NELFA: variants seen among roughly 807,000 people sequenced by gnomAD.
NELFA encodes negative elongation factor A.
In NELFA, 35 loss-of-function variants were observed where a neutral mutation model predicts 51.8. That is an observed-to-expected ratio of 0.68 (90% CI 0.52 to 0.90). The LOEUF (loss-of-function observed/expected upper bound fraction) is 0.90, where lower values mean the gene tolerates loss of function less well. Among genes scored for constraint, NELFA ranks in the 40% least tolerant of loss-of-function variants. The pLI is 0.00. For missense variants in NELFA, 658 were observed against 746.4 expected, an observed-to-expected ratio of 0.88 and a Z score of 1.38; for synonymous variants, 417 against 338.4, an observed-to-expected ratio of 1.23 and a Z score of -2.55.
At position 2,008,884 on chromosome 4, in the gene NELFA, G is replaced by A. The variant is rs750509383; in HGVS notation, c.76C>T (p.Pro26Ser). Residue 26 changes from proline (P) to serine (S), a missense_variant, in exon 1 of 11, where the codon CCG becomes TCG. By Grantham distance (74) the Pro-to-Ser change is moderately conservative (BLOSUM62 -1). Coordinates refer to ENST00000382882, the MANE Select transcript of NELFA (RefSeq NM_005663.5). ...KLGATDELWA[P>S]PSIASLLTAA... ...GTGAGCAGGGACGCGATGCTGGGCG[G>A]CGCCCACAGCTCGTCCGTGGCCCCC... 6.3e-7 allele frequency: 1 copy of A among 1,593,292 alleles called. No individual in the cohort carries two copies. The highest frequency in any genetic ancestry group is 1.1e-5 in the South Asian group (1 of 87,842).
chr4:1,988,096 G>C, intron 3 of NELFA, 89 bp from the exon 4 acceptor site: 1 of 1,152,792 alleles, frequency 8.7e-7, no homozygotes, highest in Non-Finnish European at 1.2e-6. Context: ...GGATTCATCC[G>C]ACGGCCTGAG....
At position 1,989,605 on chromosome 4, in the gene NELFA, C is replaced by A; in HGVS notation, c.544+103G>T. On this transcript the variant is annotated intron_variant, in intron 3 of 10. Coordinates refer to ENST00000382882, the MANE Select transcript of NELFA (RefSeq NM_005663.5). The surrounding 1 kb of genome is among the most constrained non-coding windows in gnomAD (Gnocchi z 4.8). ...ACAGGTGTGAGCCACCATGCCTGGC[C>A]CAGAACGCCACCTTGAAGGGGCAGT... is the stretch of plus-strand genomic sequence containing the variant. 7.5e-7 allele frequency: 1 copy of A among 1,331,144 alleles called. No individual in the cohort carries two copies. The highest frequency in any genetic ancestry group is 1.0e-6 in the Non-Finnish European group (1 of 975,702). 82.5% of individuals were successfully genotyped at this position (1,331,144 alleles called of 1,614,324 possible).
At chr4:2,005,060 G>A (rs1355975084) in intron 1 of NELFA, among the ~76,000 whole-genome samples, 1 of 151,494 alleles carries the variant, frequency 6.6e-6, no homozygotes, top group Non-Finnish European at 1.5e-5. Flanking sequence ...CGCCCGCCTC[G>A]GCCTCCCAAA....
intron 1 of NELFA, among the ~76,000 whole-genome samples, chr4:2,002,391 C>T (rs1728605730): frequency 6.6e-6 from 1 of 152,136 alleles, no homozygotes; most frequent in South Asian, 2.1e-4. Context: ...TTTTAAATTT[C>T]ATATGGAATC....
chr4:1,987,871 G>T, intron 4 of NELFA, 47 bp downstream of exon 4: 1 of 1,510,348 alleles, frequency 6.6e-7, no homozygotes, highest in Non-Finnish European at 9.0e-7. Context: ...GAAGCCCTTA[G>T]CTCTGCCCCA....
At chr4:1,984,553 A>G (rs1177597775) in intron 8 of NELFA, among the ~76,000 whole-genome samples, 2 of 152,170 alleles carry the variant, frequency 1.3e-5, no homozygotes, top group African/African-American at 4.8e-5. Flanking sequence ...TTCGAACCCA[A>G]TCCCCTTCCT....
At chr4:2,002,801 A>G (rs1426789819) in intron 1 of NELFA, among the ~76,000 whole-genome samples, 1 of 152,234 alleles carries the variant, frequency 6.6e-6, no homozygotes, top group Non-Finnish European at 1.5e-5. Flanking sequence ...CCTAGGCAAT[A>G]CCATTCAGGA....
intron 1 of NELFA, among the ~76,000 whole-genome samples, chr4:1,997,297 T>G (rs1012434293): frequency 6.6e-6 from 1 of 152,170 alleles, no homozygotes; most frequent in Non-Finnish European, 1.5e-5. Context: ...ACAAATCCTT[T>G]TTTAAGGGTA....
chr4:1,997,389 T>C (rs534976029), intron 1 of NELFA, among the ~76,000 whole-genome samples: 47 of 152,304 alleles, frequency 3.1e-4, no homozygotes, highest in African/African-American at 1.1e-3. Context: ...AACAAAGATA[T>C]AGTACAAAAT....
intron 1 of NELFA, among the ~76,000 whole-genome samples, chr4:2,005,033 C>T (rs1291465243): frequency 2.0e-5 from 3 of 151,428 alleles, no homozygotes; most frequent in African/African-American, 7.3e-5. Context: ...TGGTCTCGAT[C>T]TCCTGGCCTC....
At chr4:1,992,827 T>C (rs1259246272) in intron 1 of NELFA, among the ~76,000 whole-genome samples, 1 of 152,188 alleles carries the variant, frequency 6.6e-6, no homozygotes, top group Non-Finnish European at 1.5e-5. Flanking sequence ...GCCTGCCTGC[T>C]GCCAAGCCCC....
chr4:2,000,776 A>G (rs1728549936), intron 1 of NELFA, among the ~76,000 whole-genome samples: 1 of 152,072 alleles, frequency 6.6e-6, no homozygotes, highest in African/African-American at 2.4e-5. Context: ...AAAAGGAGGG[A>G]CTCCTCCCTA....
At chr4:1,992,562 G>A (rs747328919) in intron 1 of NELFA, 6 of 336,150 alleles carry the variant, frequency 1.8e-5, no homozygotes, top group South Asian at 1.0e-4. Context: ...GGCGCTGGGG[G>A]TGAACAACAG....
chr4:1,994,943 G>A (rs513895), intron 1 of NELFA, among the ~76,000 whole-genome samples: 37,156 of 152,180 alleles, frequency 0.24, 4,693 homozygotes, highest in East Asian at 0.31. Context: ...TGTAGCAGAT[G>A]CCATGCATAA....
rs1480789278 is a variant in NELFA, at chr4:1,984,030, C to A, written c.1120G>T (p.Ala374Ser). 1.2e-6 allele frequency: 2 copies of A among 1,607,152 alleles called. No homozygotes were observed. Among genetic ancestry groups the A allele is most frequent in the African/African-American group, 2.7e-5 (2 of 74,882 alleles). Residue 374 changes from alanine (A) to serine (S), a missense_variant, in exon 9 of 11, where the codon GCG (alanine) becomes TCG (serine). This residue lies in a region of NELFA where 200 missense variants were observed against 167.9 expected (regional missense o/e 1.19). Transcript: ENST00000382882. ...CTCAGGCCGCTGTTGTACATGGGCG[C>A]CCGCTGCTTGAACTGCGCTGGCAAC... ...PTLPAQFKQR[A>S]PMYNSGLSPA...
intron 9 of NELFA, 47 bp downstream of exon 9, chr4:1,983,801 C>T (rs376278865): frequency 7.2e-5 from 113 of 1,579,468 alleles, no homozygotes; most frequent in Admixed American, 4.2e-4. Context: ...TGGCCAGGGC[C>T]GTACCACCTA....
At chr4:1,991,464 T>C in intron 2 of NELFA, 80 bp downstream of exon 2, 1 of 1,477,828 alleles carries the variant, frequency 6.8e-7, no homozygotes, top group Non-Finnish European at 9.4e-7. Flanking sequence ...GGTCTAAAAA[T>C]CAAATTCATT....
At chr4:2,000,230 G>A (rs1577627275) in intron 1 of NELFA, among the ~76,000 whole-genome samples, 2 of 152,028 alleles carry the variant, frequency 1.3e-5, no homozygotes, top group South Asian at 4.2e-4. Flanking sequence ...AAGACCCAGA[G>A]AGGCAAGAGA....
At chr4:1,985,565 G>T (rs1728059990) in intron 7 of NELFA, among the ~76,000 whole-genome samples, 2 of 152,348 alleles carry the variant, frequency 1.3e-5, no homozygotes, top group Middle Eastern at 6.8e-3. Flanking sequence ...GCGTGGGGCA[G>T]GTTCCCGCTC....
Sources: allele counts gnomAD v4.1 joint callset (sites outside exome capture counted in the v4.1 genomes callset), GRCh38; gene constraint gnomAD v4.1.1; regional missense constraint gnomAD v4.1.1; non-coding constraint Gnocchi (gnomAD v3.1); transcripts MANE v1.5; gene names NCBI Gene and HGNC (gene_info 2026-07-23, HGNC 2026-07-21).